SKP2: variants seen among roughly 807,000 people sequenced by gnomAD.
The protein encoded by SKP2 is S-phase kinase associated protein 2, also known as S-phase kinase-associated protein 2.
A neutral mutation model predicts 51.8 loss-of-function variants in SKP2; 16 were observed. The ratio of observed to expected loss-of-function variants is 0.31; its 90% CI spans 0.21 to 0.47. The LOEUF (loss-of-function observed/expected upper bound fraction) is 0.47. Ranked by LOEUF, SKP2 falls within the 20% of genes least tolerant of loss-of-function variation. The pLI is 1.00. For missense variants in SKP2, 377 were observed against 505.3 expected, an observed-to-expected ratio of 0.75 and a Z score of 2.43; for synonymous variants, 176 against 198.6, an observed-to-expected ratio of 0.89 and a Z score of 0.96.
intron 2 of SKP2, among the ~76,000 whole-genome samples, chr5:36,162,160 A>G (rs1745141443): frequency 6.6e-6 from 1 of 152,208 alleles, no homozygotes; most frequent in African/African-American, 2.4e-5. Flanking sequence ...AGAATCTTCT[A>G]GTGGTGCCTC....
rs567918949 is a variant in SKP2 at position 36,166,238 on chromosome 5, G to A, written c.393-281G>A. ...CTTGAATGCTGGAATATGATTCTCT[G>A]GTTCTAGATCACGGCAGTGCTAATG... On this transcript the variant is annotated intron_variant, in intron 3 of 9. Transcript: ENST00000274255. Among the ~76,000 whole-genome samples the A allele has an allele frequency of 3.9e-5, 6 of 152,230 alleles. No homozygotes were observed. In the South Asian group the frequency reaches 1.2e-3, roughly 32 times the overall value.
Position 36,190,353 on chromosome 5 carries a change from C to T in SKP2, c.633-2268C>T, listed in dbSNP as rs7713019. Among the ~76,000 whole-genome samples, 644 of 152,294 alleles carry T rather than the reference C, an allele frequency of 4.2e-3. 5 individuals are homozygous for T. Among genetic ancestry groups the T allele is most frequent in the African/African-American group, 0.015 (618 of 41,556 alleles). On this transcript the variant is annotated intron_variant, in intron 6 of 7. Transcript: ENST00000677886. Reference sequence around the variant, plus strand: ...ACTGGAGCTGTTCCTATTCGGCCATCTTGGAACCACCTCACCAGGCTTGTT... The same window carrying T: ...ACTGGAGCTGTTCCTATTCGGCCATTTTGGAACCACCTCACCAGGCTTGTT...
intron 7 of SKP2, among the ~76,000 whole-genome samples, chr5:36,174,382 C>G (rs1411063755): frequency 6.6e-6 from 1 of 152,118 alleles, no homozygotes; most frequent in Non-Finnish European, 1.5e-5. Flanking sequence ...GAAACTAACC[C>G]TTTATCCCCC....
downstream of SKP2, among the ~76,000 whole-genome samples, chr5:36,187,605 G>C (rs1306892626): frequency 6.6e-6 from 1 of 152,158 alleles, no homozygotes; most frequent in African/African-American, 2.4e-5. Context: ...GAGACAGTTT[G>C]TTATAATTTC....
intron 6 of SKP2, among the ~76,000 whole-genome samples, chr5:36,191,941 T>G (rs966203898): frequency 1.3e-5 from 2 of 152,342 alleles, no homozygotes; most frequent in Admixed American, 6.5e-5. Flanking sequence ...TTTGAGTTAC[T>G]ATGTTTTAGC....
At chr5:36,158,537 A>T (rs545542192) in intron 2 of SKP2, among the ~76,000 whole-genome samples, 3 of 152,194 alleles carry the variant, frequency 2.0e-5, no homozygotes, top group South Asian at 2.1e-4. Context: ...GTTTTCTAGG[A>T]CCTTGCTCCT....
chr5:36,153,213 G>GATATATATATATATATATATATATATAT (rs3038049), intron 2 of SKP2, among the ~76,000 whole-genome samples, 171 bp downstream of exon 2: 3 of 147,562 alleles, frequency 2.0e-5, no homozygotes, highest in African/African-American at 7.6e-5. Context: ...AATCTTGGTA[G>GATATATATATATATATATATATATATAT]ATATATATAT....
At chr5:36,169,065 G>C (rs1745384538) in intron 5 of SKP2, among the ~76,000 whole-genome samples, 1 of 152,174 alleles carries the variant, frequency 6.6e-6, no homozygotes, top group Non-Finnish European at 1.5e-5. Context: ...AGGGAGGAGA[G>C]TGACAAGGTG....
At position 36,183,906 on chromosome 5, in the gene SKP2, AACTTCCAAACTC is replaced by A. The variant is rs1291240318; in HGVS notation, c.*1877_*1888del. On this transcript the variant is annotated 3_prime_UTR_variant, in exon 10 of 10. Coordinates refer to ENST00000274255, the MANE Select transcript of SKP2 (RefSeq NM_005983.4). ...ACATCGGATGCCCTCAAACATACAG[AACTTCCAAACTC>A]AAGTCCAGCCATAAGCTATTTTGCC... The A allele has an allele frequency of 1.9e-6, 3 of 1,611,446 alleles. No homozygotes were observed. Among genetic ancestry groups the A allele is most frequent in the Admixed American group, 1.7e-5 (1 of 59,926 alleles).
chr5:36,185,808 A>G (rs1745949266), downstream of SKP2, among the ~76,000 whole-genome samples: 1 of 152,158 alleles, frequency 6.6e-6, no homozygotes, highest in African/African-American at 2.4e-5. Flanking sequence ...TGGTAGCTTG[A>G]TGGGGATGGC....
rs369318553 is a variant in SKP2, at chr5:36,171,621, C to T, written c.789C>T (p.Leu263=). The change falls in exon 7 of 10, where the codon CTC becomes CTT. Residue 263 remains leucine, a synonymous_variant. Coordinates refer to ENST00000274255, the MANE Select transcript of SKP2 (RefSeq NM_005983.4). ...TGTGCAGACTGGATGAGCTGAACCT[C>T]TCCTGGTGTTTTGATTTCACTGAAA... The part of the protein sequence containing the change: ...SSCSRLDELN[L]SWCFDFTEKH... 5 of 1,613,870 alleles carry T rather than the reference C, an allele frequency of 3.1e-6. No individual in the cohort carries two copies. Among genetic ancestry groups the T allele is most frequent in the Non-Finnish European group, 4.2e-6 (5 of 1,179,774 alleles).
At chr5:36,161,704 C>G (rs544035829) in intron 2 of SKP2, among the ~76,000 whole-genome samples, 14 of 152,276 alleles carry the variant, frequency 9.2e-5, no homozygotes, top group Non-Finnish European at 1.8e-4. Flanking sequence ...GAAAGACTGC[C>G]CAGGGCAGCA....
chr5:36,176,548 AT>A (rs967348566), intron 7 of SKP2, among the ~76,000 whole-genome samples: 16 of 151,566 alleles, frequency 1.1e-4, no homozygotes, highest in African/African-American at 3.4e-4. Flanking sequence ...TTGGAGAAAT[AT>A]TTTTTTCCAG....
At chr5:36,158,367 A>G (rs1445728176) in intron 2 of SKP2, among the ~76,000 whole-genome samples, 2 of 152,222 alleles carry the variant, frequency 1.3e-5, no homozygotes, top group Non-Finnish European at 2.9e-5. Flanking sequence ...CTGGATGCCT[A>G]TTGCTAGAGC....
chr5:36,189,265 G>T (rs1045715616), downstream of SKP2, among the ~76,000 whole-genome samples: 1 of 152,182 alleles, frequency 6.6e-6, no homozygotes, highest in Admixed American at 6.5e-5. Flanking sequence ...CATTGCTGGC[G>T]AGGAGCTTTG....
intron 9 of SKP2, among the ~76,000 whole-genome samples, chr5:36,179,914 ATT>A (rs3840163): frequency 2.1e-3 from 294 of 142,794 alleles, no homozygotes; most frequent in Middle Eastern, 0.011. Flanking sequence ...TACCGGGGGC[ATT>A]TTTTTTTTTT....
At chr5:36,173,521 A>T (rs1387689079) in intron 7 of SKP2, among the ~76,000 whole-genome samples, 1 of 152,100 alleles carries the variant, frequency 6.6e-6, no homozygotes, top group African/African-American at 2.4e-5. Flanking sequence ...TGGATCTTTC[A>T]CTGGTTTACT....
In SKP2 at chr5:36,168,439, C is replaced by T. The variant is rs371764975; in HGVS notation, c.663C>T (p.Pro221=). The T allele has an allele frequency of 6.2e-7, 1 of 1,614,156 alleles. No homozygotes were observed. The highest frequency in any genetic ancestry group is 1.1e-5 in the South Asian group (1 of 91,078). Residue 221 remains proline (P), a synonymous_variant, in exon 5 of 10, where the codon CCC becomes CCT. Coordinates refer to ENST00000274255, the MANE Select transcript of SKP2 (RefSeq NM_005983.4). ...TGGAAGGCCTGCGGCTTTCGGATCCCATTGTCAAGTGAGTGGCAGGCAGAG... is the reference window on the plus strand; with the variant it reads ...TGGAAGGCCTGCGGCTTTCGGATCCTATTGTCAAGTGAGTGGCAGGCAGAG... ...LSLEGLRLSD[P]IVNTLAKNSN... is the part of the protein sequence containing the mutation.
At chr5:36,163,784 C>A in intron 3 of SKP2, 28 bp downstream of exon 3, 1 of 1,397,440 alleles carries the variant, frequency 7.2e-7, no homozygotes, top group Non-Finnish European at 1.0e-6. Context: ...CTTTGGCAAA[C>A]GTAGGGGAGG....
Sources: gnomAD v4.1 joint callset for allele counts (sites outside exome capture counted in the v4.1 genomes callset) on GRCh38, gnomAD v4.1.1 for gene constraint, MANE v1.5 for transcripts, NCBI Gene and HGNC (gene_info 2026-07-23, HGNC 2026-07-21) for gene names.